The following CTNNA2 variants were observed in gnomAD, a reference collection of about 807,000 sequenced individuals.
CTNNA2 encodes the protein catenin alpha-2.
CTNNA2 carries 42 observed loss-of-function variants against 101.0 expected under a neutral mutation model. That is an observed-to-expected ratio of 0.42 (90% CI 0.32 to 0.54). The LOEUF is 0.54. Ranked by LOEUF, CTNNA2 falls within the 20% of genes least tolerant of loss-of-function variation. The probability of loss-of-function intolerance (pLI) is 0.14; values close to 1 mark genes in which losing one functional copy is unlikely to be tolerated. For synonymous variants in CTNNA2, 450 were observed against 456.4 expected (o/e 0.99, Z 0.18); for missense variants, 871 against 1,223.1 (o/e 0.71, Z 4.29).
At chr2:79,728,679 G>A (rs565955078) in intron 2 of CTNNA2, among the ~76,000 whole-genome samples, 20 of 152,246 alleles carry the variant, frequency 1.3e-4, no homozygotes, top group Non-Finnish European at 2.2e-4. Context: ...GTAATGCCTA[G>A]GTTTTCTTAT....
At chr2:79,980,340 A>G (rs1317634692) in intron 7 of CTNNA2, among the ~76,000 whole-genome samples, 1 of 152,144 alleles carries the variant, frequency 6.6e-6, no homozygotes, top group African/African-American at 2.4e-5. Flanking sequence ...GATTTGTCAC[A>G]TGACATCATC....
intron 3 of CTNNA2, among the ~76,000 whole-genome samples, chr2:79,820,831 A>G (rs1047352060): frequency 2.6e-5 from 4 of 152,172 alleles, no homozygotes; most frequent in African/African-American, 9.6e-5. Flanking sequence ...CTAATTTCAC[A>G]TTCAATATTT....
At chr2:79,244,207 C>T (rs1183621628) in intron 2 of CTNNA2, among the ~76,000 whole-genome samples, 3 of 152,142 alleles carry the variant, frequency 2.0e-5, no homozygotes, top group Admixed American at 6.5e-5. Flanking sequence ...CATATTTTCT[C>T]ATTTGATCTC....
At chr2:80,229,431 C>G (rs77187514) in intron 7 of CTNNA2, among the ~76,000 whole-genome samples, 1,645 of 151,992 alleles carry the variant, frequency 0.011, 36 homozygotes, top group African/African-American at 0.037. Flanking sequence ...TCACATCACG[C>G]AAGAAAAGTT....
chr2:80,275,041 T>C (rs1558960779), intron 7 of CTNNA2, among the ~76,000 whole-genome samples: 1 of 152,210 alleles, frequency 6.6e-6, no homozygotes, highest in Admixed American at 6.5e-5. Flanking sequence ...TTAGATAATT[T>C]AGTTTGTAAA....
rs557173717 is a variant in CTNNA2 at position 80,128,335 on chromosome 2, C to G, written c.1056+218538C>G. 4.6e-5 allele frequency among the ~76,000 whole-genome samples: 7 copies of G among 152,214 alleles called. No individual in the cohort carries two copies. The South Asian group carries it at 1.5e-3, about 32-fold the overall frequency. ...GTGTTAGAGAATCCTCAGCTTGGTA[C>G]TATGAGAGGCACTTAACCTCTAATG... On this transcript the variant is annotated intron_variant, in intron 7 of 18. Coordinates refer to ENST00000402739, the MANE Select transcript of CTNNA2 (RefSeq NM_001282597.3).
chr2:79,220,873 C>T (rs965426065), intron 2 of CTNNA2, among the ~76,000 whole-genome samples: 4 of 152,176 alleles, frequency 2.6e-5, no homozygotes, highest in African/African-American at 7.2e-5. Context: ...ACTCTGCACA[C>T]ATTGTTAATC....
At chr2:79,377,735 T>A (rs1285451692) in intron 4 of CTNNA2, among the ~76,000 whole-genome samples, 2 of 152,210 alleles carry the variant, frequency 1.3e-5, no homozygotes, top group Non-Finnish European at 2.9e-5. Context: ...ACTCATTGCA[T>A]GCATAGCATC....
intron 2 of CTNNA2, among the ~76,000 whole-genome samples, chr2:79,698,950 T>A (rs1684817751): frequency 6.6e-6 from 1 of 152,112 alleles, no homozygotes; most frequent in African/African-American, 2.4e-5. Flanking sequence ...CAAAAGTGAG[T>A]AGAAAGCACC....
At chr2:80,132,561 T>A (rs1439574926) in intron 7 of CTNNA2, among the ~76,000 whole-genome samples, 1 of 152,170 alleles carries the variant, frequency 6.6e-6, no homozygotes, top group African/African-American at 2.4e-5. Flanking sequence ...TACCTTTGAA[T>A]TGATTATTTA....
intron 4 of CTNNA2, among the ~76,000 whole-genome samples, chr2:79,412,083 G>A (rs537351718): frequency 6.6e-6 from 1 of 152,054 alleles, no homozygotes; most frequent in East Asian, 1.9e-4. Context: ...AAAAAAGGCA[G>A]GGGTTGCAAT....
chr2:80,514,307 C>G (rs779001825), intron 9 of CTNNA2, among the ~76,000 whole-genome samples: 8 of 152,092 alleles, frequency 5.3e-5, no homozygotes, highest in Non-Finnish European at 8.8e-5. Flanking sequence ...CCTGGCAGCA[C>G]CCAGGTTGGG....
At chr2:79,957,408 G>A (rs921510778) in intron 7 of CTNNA2, among the ~76,000 whole-genome samples, 2 of 152,168 alleles carry the variant, frequency 1.3e-5, no homozygotes, top group African/African-American at 4.8e-5. Flanking sequence ...AGATGGAGGA[G>A]GGCGCAAGGA....
chr2:79,263,129 C>T (rs1244213386), intron 2 of CTNNA2, among the ~76,000 whole-genome samples: 3 of 152,114 alleles, frequency 2.0e-5, no homozygotes, highest in African/African-American at 7.2e-5. Flanking sequence ...AAAAAGATAA[C>T]ATCTACAAAC....
intron 2 of CTNNA2, among the ~76,000 whole-genome samples, chr2:79,245,897 C>T (rs1674694000): frequency 6.6e-6 from 1 of 152,194 alleles, no homozygotes; most frequent in Admixed American, 6.5e-5. Context: ...CATCCCAAAA[C>T]CCAGGACTCA....
intron 7 of CTNNA2, among the ~76,000 whole-genome samples, chr2:80,193,723 C>T (rs1188157129): frequency 6.6e-6 from 1 of 152,166 alleles, no homozygotes; most frequent in East Asian, 1.9e-4. Flanking sequence ...GTGTAACATT[C>T]CTTAGAGCTC....
intron 7 of CTNNA2, among the ~76,000 whole-genome samples, chr2:80,097,839 C>T (rs1700258275): frequency 6.6e-6 from 1 of 152,188 alleles, no homozygotes; most frequent in Non-Finnish European, 1.5e-5. Context: ...GTTCTCGTGC[C>T]ATGGTTTTCA....
chr2:79,766,294 GA>G (rs1673152112), intron 3 of CTNNA2, among the ~76,000 whole-genome samples: 1 of 152,146 alleles, frequency 6.6e-6, no homozygotes, highest in South Asian at 2.1e-4. Flanking sequence ...GTTTTCACCA[GA>G]TATACTATTC....
At chr2:80,406,622 C>G (rs1036979163) in intron 8 of CTNNA2, among the ~76,000 whole-genome samples, 1 of 151,906 alleles carries the variant, frequency 6.6e-6, no homozygotes, top group Admixed American at 6.6e-5. Context: ...GTCAGGGGAT[C>G]GCGACCATCG....
Sources: allele counts gnomAD v4.1 joint callset (sites outside exome capture counted in the v4.1 genomes callset), GRCh38; gene constraint gnomAD v4.1.1; transcripts MANE v1.5; gene names NCBI Gene and HGNC (gene_info 2026-07-23, HGNC 2026-07-21).